Variants in NCOA6 observed in about 807,000 individuals in gnomAD.
NCOA6 encodes NRC RAP250.
A neutral mutation model predicts 171.4 loss-of-function variants in NCOA6; 49 were observed. The ratio of observed to expected loss-of-function variants is 0.29; its 90% confidence interval spans 0.23 to 0.36. The LOEUF is 0.36. NCOA6 is among the 10% of genes least tolerant of loss of function. The pLI is 1.00. For synonymous variants in NCOA6, 910 were observed against 927.5 expected (o/e 0.98, Z 0.34); for missense variants, 2,248 against 2,554.5 (o/e 0.88, Z 2.59).
chr20:34,768,442 A>T, intron 5 of NCOA6, 22 bp downstream of exon 5: 1 of 1,612,350 alleles, frequency 6.2e-7, no homozygotes, highest in Non-Finnish European at 8.5e-7. Flanking sequence ...AAAATGTCAT[A>T]CAATTGAGTG....
In NCOA6 at chr20:34,741,701, C is replaced by T. The variant is rs758909018; in HGVS notation, c.4555G>A (p.Val1519Ile). ...GLTDLEVTPPVVSGEDLKKAS... is the reference protein window; with the variant it reads ...GLTDLEVTPPIVSGEDLKKAS... ...TTTTTGAGGTCCTCCCCAGAAACTA[C>T]TGGAGGTGTTACTTCCAGATCTGTA... is the stretch of plus-strand genomic sequence containing the variant. The change falls in exon 11 of 15, where the codon GTA becomes ATA. Residue 1519 changes from valine to isoleucine, a missense_variant. Physicochemically the swap from Val to Ile is conservative, Grantham distance 29. Transcript: ENST00000359003. The T allele has an allele frequency of 6.2e-7, 1 of 1,614,220 alleles. No individual in the cohort carries two copies. Among genetic ancestry groups the T allele is most frequent in the Non-Finnish European group, 8.5e-7 (1 of 1,180,030 alleles).
At chr20:34,770,806 T>C (rs952194862) in intron 4 of NCOA6, among the ~76,000 whole-genome samples, 2 of 152,036 alleles carry the variant, frequency 1.3e-5, no homozygotes, top group African/African-American at 4.8e-5. Context: ...ATTTTTGTAT[T>C]TTTAGTAGAA....
rs565515327 is a variant in NCOA6 at position 34,721,201 on chromosome 20, A to G, written c.6149-5836T>C. Reference sequence around the variant, plus strand: ...GTAATGAAGCCCCACTAAAAACCCAAAAGGGACCTATCTCCCCTTCCCCTT... The same window carrying G: ...GTAATGAAGCCCCACTAAAAACCCAGAAGGGACCTATCTCCCCTTCCCCTT... On this transcript the variant is annotated intron_variant, in intron 14 of 14. Transcript: ENST00000359003. Among the ~76,000 whole-genome samples, 3 of 146,496 alleles carry G rather than the reference A, an allele frequency of 2.0e-5. No homozygotes were observed. The East Asian group carries it at 5.9e-4, about 29-fold the overall frequency.
chr20:34,823,280 G>A (rs893089870), intron 1 of NCOA6, among the ~76,000 whole-genome samples: 6 of 152,144 alleles, frequency 3.9e-5, no homozygotes, highest in African/African-American at 1.4e-4. Flanking sequence ...CACTTTGGGA[G>A]GCTCAGGTGG....
At chr20:34,776,677 T>A (rs764883869) in intron 3 of NCOA6, 20 of 643,450 alleles carry the variant, frequency 3.1e-5, no homozygotes, top group Non-Finnish European at 5.3e-5. Context: ...TATCTTTTTC[T>A]TTTCTAAAAC....
chr20:34,752,673 A>G (rs1024241247), intron 8 of NCOA6, among the ~76,000 whole-genome samples: 1 of 152,200 alleles, frequency 6.6e-6, no homozygotes, highest in Non-Finnish European at 1.5e-5. Flanking sequence ...TCAGGCCTGT[A>G]ATCCCACCAC....
At chr20:34,723,910 C>T (rs1244174003) in intron 14 of NCOA6, among the ~76,000 whole-genome samples, 2 of 152,108 alleles carry the variant, frequency 1.3e-5, no homozygotes, top group Non-Finnish European at 1.5e-5. Context: ...TCTCTAAAGG[C>T]CAATACCTTT....
In NCOA6 at chr20:34,815,213, C is replaced by CCA. The variant is rs57249728; in HGVS notation, c.-164+10258_-164+10259insTG. Among the ~76,000 whole-genome samples, 52 of 140,606 alleles carry CCA rather than the reference C, an allele frequency of 3.7e-4. 3 individuals carry two copies. The highest frequency in any genetic ancestry group is 4.6e-4 in the Non-Finnish European group (30 of 64,690). 92.2% of individuals were successfully genotyped at this position (140,606 alleles called of 152,430 possible). On this transcript the variant is annotated intron_variant, in intron 1 of 14. Transcript: ENST00000359003. ...ACATAGGAAGACCCATTCTCTACCC[C>CCA]AAAAAAAAAAAAAGCCAGGTGAGGT...
intron 3 of NCOA6, among the ~76,000 whole-genome samples, chr20:34,779,014 T>C (rs2077436743): frequency 6.8e-6 from 1 of 147,758 alleles, no homozygotes; most frequent in Non-Finnish European, 1.5e-5. Flanking sequence ...CGACACATGG[T>C]GGTGATTGTT....
Position 34,740,534 on chromosome 20 carries a change from C to G in NCOA6, c.5722G>C (p.Gly1908Arg). ...TASAGPSLPG[G>R]ALPTSVRSIV... ...GAGCGTACACTGGTGGGGAGAGCAC[C>G]GCCAGGTAAGCTGGGTCCTGCTGAG... is the stretch of plus-strand genomic sequence containing the variant. The change falls in exon 11 of 15, where the codon GGT (glycine) becomes CGT (arginine). Residue 1908 changes from glycine to arginine, a missense_variant. Gly to Arg is a moderately radical substitution (Grantham distance 125). This residue lies in a region of NCOA6 where 884 missense variants were observed against 941.9 expected (regional missense o/e 0.94). Coordinates refer to ENST00000359003, the MANE Select transcript of NCOA6 (RefSeq NM_014071.5). 6.2e-7 allele frequency: 1 copy of G among 1,613,950 alleles called. No individual in the cohort carries two copies. The highest frequency in any genetic ancestry group is 8.5e-7 in the Non-Finnish European group (1 of 1,179,860).
In NCOA6 at chr20:34,757,908, TTGCTGTTGTTGCTGCTGCTGC is replaced by T. The variant is rs767338762; in HGVS notation, c.819_839del (p.Gln279_Gln285del). ...TTGCCTGCAACTGTTGTTGCTGCTG[TTGCTGTTGTTGCTGCTGCTGC>T]TGCTGCTGCTGCTGTTGTTGTTGTT... is the stretch of plus-strand genomic sequence containing the variant. On this transcript the variant is annotated inframe_deletion, in exon 7 of 15. Transcript: ENST00000359003. 64 of 1,613,788 alleles carry T rather than the reference TTGCTGTTGTTGCTGCTGCTGC, an allele frequency of 4.0e-5. No homozygotes were observed. The East Asian group carries it at 1.4e-3, about 34-fold the overall frequency.
chr20:34,750,542 G>C, intron 8 of NCOA6, 23 bp from the exon 9 acceptor site: 1 of 1,541,030 alleles, frequency 6.5e-7, no homozygotes, highest in Non-Finnish European at 8.7e-7. Flanking sequence ...AAAAGTCACA[G>C]TTTCAGAAAT....
chr20:34,731,831 G>C (rs1354008288), intron 13 of NCOA6, among the ~76,000 whole-genome samples: 3 of 152,172 alleles, frequency 2.0e-5, no homozygotes, highest in African/African-American at 7.2e-5. Flanking sequence ...GACCAGCCTG[G>C]CCAATGTGGT....
intron 10 of NCOA6, among the ~76,000 whole-genome samples, chr20:34,743,730 A>G (rs1055421298): frequency 6.6e-6 from 1 of 152,258 alleles, no homozygotes; most frequent in Admixed American, 6.5e-5. Context: ...GGTCTCATGT[A>G]GTCATAATCA....
intron 5 of NCOA6, among the ~76,000 whole-genome samples, chr20:34,761,493 G>A (rs1402066250): frequency 6.0e-5 from 9 of 149,074 alleles, no homozygotes; most frequent in Admixed American, 5.3e-4. Context: ...TTTTGCCACT[G>A]ACTTAACCTA....
rs2077155218 is a variant in NCOA6, at chr20:34,771,673, T to C, written c.392-3087A>G. On this transcript the variant is annotated intron_variant, in intron 4 of 14. Coordinates refer to ENST00000359003, the MANE Select transcript of NCOA6 (RefSeq NM_014071.5). Reference sequence around the variant, plus strand: ...CAATAGCAAGGATTCAGCCCCAGTGTTTCCTTTTAGTTTCTTAGGCACACA... The same window carrying C: ...CAATAGCAAGGATTCAGCCCCAGTGCTTCCTTTTAGTTTCTTAGGCACACA... 2.0e-5 allele frequency among the ~76,000 whole-genome samples: 3 copies of C among 152,190 alleles called. No individual in the cohort carries two copies. In the South Asian group the frequency reaches 6.2e-4, roughly 31 times the overall value.
chr20:34,812,035 G>A (rs2078681056), intron 1 of NCOA6, among the ~76,000 whole-genome samples: 1 of 151,774 alleles, frequency 6.6e-6, no homozygotes, highest in Admixed American at 6.6e-5. Context: ...GGATCACAAG[G>A]TCAAGAGATC....
intron 5 of NCOA6, among the ~76,000 whole-genome samples, chr20:34,763,116 G>A (rs1000054498): frequency 2.6e-5 from 4 of 152,110 alleles, no homozygotes; most frequent in African/African-American, 9.7e-5. Flanking sequence ...TAGTGCTCAG[G>A]AATACTGGGC....
At chr20:34,745,422 C>A (rs2076274036) in intron 10 of NCOA6, among the ~76,000 whole-genome samples, 1 of 152,184 alleles carries the variant, frequency 6.6e-6, no homozygotes. Flanking sequence ...TTCCTGCTCT[C>A]AATGCCTTCT....
Sources: gnomAD v4.1 joint callset for allele counts (sites outside exome capture counted in the v4.1 genomes callset) on GRCh38, gnomAD v4.1.1 for gene constraint, gnomAD v4.1.1 regional missense constraint, MANE v1.5 for transcripts, NCBI Gene and HGNC (gene_info 2026-07-23, HGNC 2026-07-21) for gene names.